The following DLGAP1 variants were observed in gnomAD, a reference collection of about 807,000 sequenced individuals.
DLGAP1 encodes the protein disks large-associated protein 1.
DLGAP1 carries 11 observed loss-of-function variants against 90.8 expected under a neutral mutation model. That is an observed-to-expected ratio of 0.12 (90% CI 0.08 to 0.20). DLGAP1 has a LOEUF of 0.20. DLGAP1 is among the 10% of genes least tolerant of loss of function. DLGAP1 has a pLI of 1.00. For synonymous variants in DLGAP1, 558 were observed against 540.7 expected, an observed-to-expected ratio of 1.03 and a Z score of -0.44; for missense variants, 1,050 against 1,333.8, an observed-to-expected ratio of 0.79 and a Z score of 3.31.
At chr18:3,987,140 C>A (rs2073859545) in intron 3 of DLGAP1, among the ~76,000 whole-genome samples, 1 of 152,058 alleles carries the variant, frequency 6.6e-6, no homozygotes, top group African/African-American at 2.4e-5. Flanking sequence ...GTTTATTTAC[C>A]TCCCTAGGGT....
chr18:3,989,346 G>A (rs562127445), intron 3 of DLGAP1, among the ~76,000 whole-genome samples: 1 of 152,204 alleles, frequency 6.6e-6, no homozygotes, highest in East Asian at 1.9e-4. Flanking sequence ...ACTAATTCCT[G>A]TAGCCTTTAC....
chr18:3,643,537 C>T (rs533814194), intron 7 of DLGAP1, among the ~76,000 whole-genome samples: 1 of 151,948 alleles, frequency 6.6e-6, no homozygotes, highest in Admixed American at 6.6e-5. Context: ...GTGGCAGGCG[C>T]CTGTAGTTCC....
chr18:4,186,227 TG>T (rs1399676986), intron 1 of DLGAP1, among the ~76,000 whole-genome samples: 4 of 152,204 alleles, frequency 2.6e-5, no homozygotes, highest in Non-Finnish European at 2.9e-5. Context: ...TTCTGTAGGT[TG>T]TCTGTTTACT....
chr18:3,888,784 G>A (rs1402647404), intron 3 of DLGAP1, among the ~76,000 whole-genome samples: 1 of 152,208 alleles, frequency 6.6e-6, no homozygotes, highest in Non-Finnish European at 1.5e-5. Context: ...ATTTTTATGT[G>A]AAGATAATCC....
chr18:4,011,200 TC>T, intron 2 of DLGAP1, among the ~76,000 whole-genome samples: 1 of 121,280 alleles, frequency 8.2e-6, no homozygotes, highest in Non-Finnish European at 1.7e-5. Flanking sequence ...AAAAAAAAAA[TC>T]CTTACCTGCC....
chr18:4,394,308 G>A (rs2082397256), intron 1 of DLGAP1, among the ~76,000 whole-genome samples: 1 of 152,154 alleles, frequency 6.6e-6, no homozygotes, highest in African/African-American at 2.4e-5. Context: ...ATTATCAAAT[G>A]TCTACTGTTC....
chr18:3,911,033 C>T (rs1226003434), intron 3 of DLGAP1, among the ~76,000 whole-genome samples: 1 of 152,178 alleles, frequency 6.6e-6, no homozygotes, highest in Non-Finnish European at 1.5e-5. Context: ...AGTTTAATTT[C>T]TCCAGCTGCG....
chr18:4,139,342 A>G (rs2076458644), intron 2 of DLGAP1, among the ~76,000 whole-genome samples: 1 of 151,982 alleles, frequency 6.6e-6, no homozygotes, highest in South Asian at 2.1e-4. Flanking sequence ...TTGTTTCACG[A>G]CATATTTAAA....
At chr18:3,837,225 T>C (rs1398238566) in intron 4 of DLGAP1, among the ~76,000 whole-genome samples, 1 of 152,240 alleles carries the variant, frequency 6.6e-6, no homozygotes, top group African/African-American at 2.4e-5. Flanking sequence ...CTTTCTTCTT[T>C]TCCTTTTATG....
chr18:4,147,872 G>C (rs563542863), intron 2 of DLGAP1, among the ~76,000 whole-genome samples: 52 of 152,096 alleles, frequency 3.4e-4, no homozygotes, highest in Non-Finnish European at 8.8e-5. Context: ...GTGCCAGCCT[G>C]GATCATTTAG....
intron 1 of DLGAP1, among the ~76,000 whole-genome samples, chr18:4,321,981 T>C (rs893337556): frequency 6.6e-6 from 1 of 151,824 alleles, no homozygotes; most frequent in Non-Finnish European, 1.5e-5. Flanking sequence ...GTGGATCACA[T>C]GAGGTCTCAG....
At chr18:3,893,539 A>G (rs1207502056) in intron 3 of DLGAP1, among the ~76,000 whole-genome samples, 1 of 151,514 alleles carries the variant, frequency 6.6e-6, no homozygotes, top group East Asian at 1.9e-4. Flanking sequence ...AGATTGCACC[A>G]CTGCACTCCA....
chr18:4,368,025 T>C (rs181853834), intron 1 of DLGAP1, among the ~76,000 whole-genome samples: 1 of 152,238 alleles, frequency 6.6e-6, no homozygotes, highest in Admixed American at 6.5e-5. Context: ...TACACACATA[T>C]GCAATGCACA....
intron 7 of DLGAP1, among the ~76,000 whole-genome samples, chr18:3,649,911 C>T (rs1471264198): frequency 2.3e-4 from 35 of 152,122 alleles, no homozygotes; most frequent in Admixed American, 2.2e-3. Flanking sequence ...AATGGCTAAC[C>T]CTTGGAAATT....
intron 10 of DLGAP1, among the ~76,000 whole-genome samples, chr18:3,518,716 T>C (rs985170565): frequency 6.6e-6 from 1 of 152,178 alleles, no homozygotes; most frequent in Non-Finnish European, 1.5e-5. Context: ...ATCATCTCCA[T>C]AGCATTGCTG....
At chr18:4,446,282 G>C (rs373467408) in intron 1 of DLGAP1, among the ~76,000 whole-genome samples, 36 of 152,194 alleles carry the variant, frequency 2.4e-4, no homozygotes, top group Admixed American at 3.9e-4. Flanking sequence ...TGCTCTTTTG[G>C]GGGGCTCCAG....
intron 7 of DLGAP1, among the ~76,000 whole-genome samples, chr18:3,712,976 G>C (rs1044163014): frequency 3.9e-5 from 6 of 152,194 alleles, no homozygotes; most frequent in Admixed American, 6.5e-5. Context: ...GGATGGGGCA[G>C]GACACAGTGA....
intron 9 of DLGAP1, among the ~76,000 whole-genome samples, chr18:3,566,947 C>A (rs7232859): frequency 0.16 from 23,803 of 151,820 alleles, 1,975 homozygotes; most frequent in South Asian, 0.22. Context: ...TTATGAAATC[C>A]TACATTTCCC....
intron 2 of DLGAP1, among the ~76,000 whole-genome samples, chr18:4,006,995 A>G (rs1263232954): frequency 6.6e-6 from 1 of 152,100 alleles, no homozygotes; most frequent in African/African-American, 2.4e-5. Flanking sequence ...GTTTAACTGA[A>G]TAAGAAACAT....
Sources: allele counts gnomAD v4.1 joint callset (sites outside exome capture counted in the v4.1 genomes callset), GRCh38; gene constraint gnomAD v4.1.1; transcripts MANE v1.5; gene names NCBI Gene and HGNC (gene_info 2026-07-23, HGNC 2026-07-21).